NCKAP5: variants seen among roughly 807,000 people sequenced by gnomAD.
NCKAP5 encodes NCK associated protein 5.
In NCKAP5, 92 loss-of-function variants were observed where a neutral mutation model predicts 167.0. The observed-to-expected ratio is 0.55, with a 90% CI of 0.47 to 0.66. The LOEUF is 0.66. Ranked by LOEUF, NCKAP5 falls within the 30% of genes least tolerant of loss-of-function variation. NCKAP5 has a pLI of 0.00. For missense variants in NCKAP5, 2,378 were observed against 2,315.0 expected (o/e 1.03, Z -0.56); for synonymous variants, 891 against 877.4 (o/e 1.02, Z -0.27).
chr2:133,506,507 C>T (rs1267488810), intron 3 of NCKAP5, among the ~76,000 whole-genome samples: 1 of 152,144 alleles, frequency 6.6e-6, no homozygotes, highest in Non-Finnish European at 1.5e-5. Flanking sequence ...GAGGCACCAA[C>T]AGGGGACAAG....
intron 16 of NCKAP5, among the ~76,000 whole-genome samples, chr2:132,739,963 A>G (rs1171096317): frequency 6.6e-6 from 1 of 152,178 alleles, no homozygotes; most frequent in African/African-American, 2.4e-5. Context: ...CTCAAGTAAT[A>G]GTCCCAGATT....
At chr2:133,600,790 G>C in the NCKAP5 span, among the ~76,000 whole-genome samples, 1 of 152,204 alleles carries the variant, frequency 6.6e-6, no homozygotes, top group Non-Finnish European at 1.5e-5. Context: ...GGCTCTGCTT[G>C]TGTTTGCAAG....
At chr2:133,073,640 A>G (rs778652408) in intron 6 of NCKAP5, among the ~76,000 whole-genome samples, 11 of 152,152 alleles carry the variant, frequency 7.2e-5, no homozygotes, top group Non-Finnish European at 1.3e-4. Flanking sequence ...CAATTAGAGG[A>G]CTTTAACAGA....
chr2:132,673,743 C>G (rs1406292757), intron 19 of NCKAP5, among the ~76,000 whole-genome samples: 1 of 152,134 alleles, frequency 6.6e-6, no homozygotes, highest in Non-Finnish European at 1.5e-5. Flanking sequence ...AATCCCCTAA[C>G]TTGCCATTTT....
chr2:133,352,185 A>G (rs961079120), intron 3 of NCKAP5, among the ~76,000 whole-genome samples: 7 of 152,286 alleles, frequency 4.6e-5, no homozygotes, highest in Admixed American at 3.3e-4. Flanking sequence ...CACACTCTGT[A>G]TCCCCCTCCC....
intron 12 of NCKAP5, among the ~76,000 whole-genome samples, chr2:132,794,100 TA>T (rs1484350782): frequency 8.6e-5 from 13 of 151,268 alleles, no homozygotes; most frequent in Non-Finnish European, 1.6e-4. Context: ...TCTTTCTTTG[TA>T]AATGGAGATC....
At position 132,920,709 on chromosome 2, in the gene NCKAP5, G is replaced by A. The variant is rs1247252589; in HGVS notation, c.580-41793C>T. On this transcript the variant is annotated intron_variant, in intron 8 of 19. Transcript: ENST00000409261. The stretch of plus-strand genomic sequence containing the variant: ...AGTTTATATATATATATACGTATAT[G>A]TATATATATGTATATATATATATGT... Among the ~76,000 whole-genome samples the A allele has an allele frequency of 8.0e-4, 56 of 69,956 alleles. 1 individual carries two copies. The highest frequency in any genetic ancestry group is 3.4e-3 in the African/African-American group (46 of 13,676). The allele number at this position is 69,956 out of a possible 152,430, so 45.9% of individuals were successfully genotyped here.
At chr2:132,796,479 T>C (rs1197517292) in intron 12 of NCKAP5, 149 bp downstream of exon 12, 1 of 524,094 alleles carries the variant, frequency 1.9e-6, no homozygotes, top group African/African-American at 1.9e-5. Context: ...GACATGATAT[T>C]GAATTTCAGA....
At chr2:132,932,741 A>C (rs565231694) in intron 8 of NCKAP5, among the ~76,000 whole-genome samples, 1 of 152,324 alleles carries the variant, frequency 6.6e-6, no homozygotes, top group South Asian at 2.1e-4. Context: ...CACTGCTTAA[A>C]GAACACATAG....
intron 8 of NCKAP5, among the ~76,000 whole-genome samples, chr2:132,888,688 G>T (rs1444705272): frequency 6.6e-6 from 1 of 152,156 alleles, no homozygotes. Context: ...ACTGCACCCT[G>T]CCCAGTGTGT....
Position 132,783,790 on chromosome 2 carries a change from G to T in NCKAP5, c.3021C>A (p.His1007Gln). The T allele has an allele frequency of 6.4e-7, 1 of 1,553,748 alleles. No individual in the cohort carries two copies. The highest frequency in any genetic ancestry group is 2.3e-5 in the East Asian group (1 of 44,372). The change falls in exon 14 of 20, where the codon CAC (histidine) becomes CAA (glutamine). Residue 1007 changes from histidine (H) to glutamine (Q), a missense_variant. Physicochemically the swap from His to Gln is conservative, Grantham distance 24 (BLOSUM62 0). Transcript: ENST00000409261. The stretch of plus-strand genomic sequence containing the variant: ...TGACTGCTTCTGGGGAGGGCATAGG[G>T]TGAGTGAAGATAGGCTTTTTGAAGG... ...SVAFKKPIFT[H>Q]PMPSPEAVIQ...
chr2:133,578,152 G>A, the NCKAP5 span, among the ~76,000 whole-genome samples: 1 of 152,174 alleles, frequency 6.6e-6, no homozygotes, highest in Admixed American at 6.5e-5. Flanking sequence ...TCCCTCCCAT[G>A]TAAAGATTCT....
intron 6 of NCKAP5, among the ~76,000 whole-genome samples, chr2:133,064,564 A>C (rs979184796): frequency 3.3e-5 from 5 of 152,250 alleles, no homozygotes; most frequent in African/African-American, 1.2e-4. Flanking sequence ...TTCAAAGAGA[A>C]GATAAACTTA....
chr2:133,012,948 G>A (rs1201023040), intron 6 of NCKAP5, among the ~76,000 whole-genome samples: 1 of 152,088 alleles, frequency 6.6e-6, no homozygotes, highest in Non-Finnish European at 1.5e-5. Flanking sequence ...ATCTCACACA[G>A]GCTCTCTGCC....
chr2:133,452,183 T>C (rs1691589309), intron 3 of NCKAP5, among the ~76,000 whole-genome samples: 1 of 152,164 alleles, frequency 6.6e-6, no homozygotes, highest in Admixed American at 6.5e-5. Context: ...AAATGCAGCC[T>C]CCTCTCCTTG....
intron 2 of NCKAP5, among the ~76,000 whole-genome samples, chr2:133,528,341 G>T (rs1274920760): frequency 9.4e-5 from 14 of 148,672 alleles, no homozygotes; most frequent in African/African-American, 3.5e-4. Context: ...TTTTTCCCAT[G>T]TGTAGGTTGT....
At chr2:133,501,540 A>C (rs1422968813) in intron 3 of NCKAP5, among the ~76,000 whole-genome samples, 1 of 152,230 alleles carries the variant, frequency 6.6e-6, no homozygotes, top group Non-Finnish European at 1.5e-5. Flanking sequence ...ATTTCGAGTT[A>C]ACTTTACTAA....
intron 5 of NCKAP5, among the ~76,000 whole-genome samples, chr2:133,167,459 T>C (rs2084046832): frequency 6.6e-6 from 1 of 152,214 alleles, no homozygotes; most frequent in African/African-American, 2.4e-5. Flanking sequence ...ACAAATCATA[T>C]TAATATTAAC....
At chr2:133,144,415 T>A (rs1415944855) in intron 5 of NCKAP5, among the ~76,000 whole-genome samples, 1 of 152,044 alleles carries the variant, frequency 6.6e-6, no homozygotes, top group Non-Finnish European at 1.5e-5. Context: ...AACAAAAAAA[T>A]AATCAATTCT....
Sources: allele counts gnomAD v4.1 joint callset (sites outside exome capture counted in the v4.1 genomes callset), GRCh38; gene constraint gnomAD v4.1.1; transcripts MANE v1.5; gene names NCBI Gene and HGNC (gene_info 2026-07-23, HGNC 2026-07-21).